PPARD: variants seen among roughly 807,000 people sequenced by gnomAD.
PPARD encodes the protein peroxisome proliferator activated receptor delta, also known as peroxisome proliferator-activated receptor delta.
PPARD carries 6 observed loss-of-function variants against 39.5 expected under a neutral mutation model. That is an observed-to-expected ratio of 0.15 (90% CI 0.08 to 0.30). The LOEUF is 0.30. Among genes scored for constraint, PPARD ranks in the 10% least tolerant of loss-of-function variants. The pLI is 1.00. For synonymous variants in PPARD, 210 were observed against 231.3 expected, an observed-to-expected ratio of 0.91 and a Z score of 0.83; for missense variants, 397 against 596.8, an observed-to-expected ratio of 0.67 and a Z score of 3.49.
chr6:35,380,490 T>TG (rs1763093456), intron 2 of PPARD, among the ~76,000 whole-genome samples: 1 of 128,356 alleles, frequency 7.8e-6, no homozygotes. Flanking sequence ...TTTTTTTTTT[T>TG]TTTTTTTTTT....
chr6:35,421,153 G>T (rs1766133638), intron 4 of PPARD, among the ~76,000 whole-genome samples: 1 of 151,832 alleles, frequency 6.6e-6, no homozygotes. Context: ...AATAGGGACG[G>T]GGTTTCACCA....
At chr6:35,420,861 C>T (rs1304427153) in intron 4 of PPARD, among the ~76,000 whole-genome samples, 2 of 111,410 alleles carry the variant, frequency 1.8e-5, no homozygotes, top group East Asian at 6.5e-4. Flanking sequence ...GAATCTCGAT[C>T]TGTCGCCCAG....
At chr6:35,384,774 C>T in intron 2 of PPARD, among the ~76,000 whole-genome samples, 1 of 31,114 alleles carries the variant, frequency 3.2e-5, no homozygotes, top group Non-Finnish European at 7.1e-5. Flanking sequence ...GCCGCCCCAT[C>T]CGGGAGGGAG....
intron 2 of PPARD, among the ~76,000 whole-genome samples, chr6:35,360,697 A>G (rs565740454): frequency 6.0e-4 from 92 of 152,306 alleles, no homozygotes; most frequent in South Asian, 6.0e-3. Flanking sequence ...CCCTCTCAAC[A>G]TGGGCCCTGC....
intron 2 of PPARD, among the ~76,000 whole-genome samples, chr6:35,373,441 A>G (rs572857651): frequency 2.0e-5 from 3 of 152,216 alleles, no homozygotes; most frequent in African/African-American, 7.2e-5. Context: ...ACGCAGCTGC[A>G]TGGATCAATG....
chr6:35,348,927 C>T, intron 2 of PPARD: 1 of 985,416 alleles, frequency 1.0e-6, no homozygotes, highest in Middle Eastern at 5.2e-4. Context: ...CAGCCAGGCC[C>T]AGTGGCAGCA....
intron 4 of PPARD, among the ~76,000 whole-genome samples, chr6:35,421,320 GT>G (rs1554213727): frequency 0.015 from 360 of 23,808 alleles, 1 homozygote; most frequent in African/African-American, 0.023. Context: ...TTTTTTTTTT[GT>G]TTTGTTTTGT....
chr6:35,415,676 G>A (rs896760628), intron 3 of PPARD, among the ~76,000 whole-genome samples: 3 of 152,082 alleles, frequency 2.0e-5, no homozygotes, highest in Non-Finnish European at 4.4e-5. Flanking sequence ...GCGTAGTAGT[G>A]AGATGCCGAG....
intron 2 of PPARD, among the ~76,000 whole-genome samples, chr6:35,379,265 G>A (rs1238577387): frequency 2.0e-5 from 3 of 151,806 alleles, no homozygotes; most frequent in Non-Finnish European, 2.9e-5. Flanking sequence ...CACCACGCTC[G>A]GCTAATTTTT....
intron 2 of PPARD, among the ~76,000 whole-genome samples, chr6:35,359,994 T>C (rs548245191): frequency 1.5e-4 from 23 of 152,188 alleles, no homozygotes; most frequent in Non-Finnish European, 2.6e-4. Context: ...GGAAAGTACC[T>C]GCTTGACTGG....
intron 2 of PPARD, among the ~76,000 whole-genome samples, chr6:35,387,444 C>G (rs1429771327): frequency 6.6e-6 from 1 of 152,040 alleles, no homozygotes; most frequent in Non-Finnish European, 1.5e-5. Context: ...ACACATAGAT[C>G]AGAATGTTGT....
intron 2 of PPARD, among the ~76,000 whole-genome samples, chr6:35,367,223 G>A (rs971755519): frequency 1.3e-5 from 2 of 152,182 alleles, no homozygotes; most frequent in Non-Finnish European, 2.9e-5. Flanking sequence ...GAGTGATTTG[G>A]GAACATGGGG....
intron 2 of PPARD, among the ~76,000 whole-genome samples, chr6:35,357,006 G>A (rs1761654205): frequency 6.6e-6 from 1 of 150,856 alleles, no homozygotes; most frequent in Non-Finnish European, 1.5e-5. Context: ...AGAGGAGAGT[G>A]TCCACAATGT....
rs954553707 is a variant in PPARD at position 35,422,373 on chromosome 6, G to A, written c.424+415G>A. Among the ~76,000 whole-genome samples, 8 of 152,318 alleles carry A rather than the reference G, an allele frequency of 5.3e-5. No homozygotes were observed. In the East Asian group the frequency reaches 1.5e-3, roughly 29 times the overall value. On this transcript the variant is annotated intron_variant, in intron 5 of 7. Transcript: ENST00000360694. ...TGGCCCTTCTTGGTTATAGAAGGCA[G>A]GCAGTAACCAGTAAGTAACCACATT...
At chr6:35,405,309 G>C (rs1227231716) in intron 2 of PPARD, among the ~76,000 whole-genome samples, 1 of 152,126 alleles carries the variant, frequency 6.6e-6, no homozygotes, top group African/African-American at 2.4e-5. Flanking sequence ...AAAGTGCTGG[G>C]ATTATAGGTG....
At chr6:35,421,395 T>A (rs1766160068) in intron 4 of PPARD, among the ~76,000 whole-genome samples, 1 of 152,068 alleles carries the variant, frequency 6.6e-6, no homozygotes, top group African/African-American at 2.4e-5. Context: ...TGGAGTGTAA[T>A]GGCGCGATCT....
At chr6:35,346,247 G>A (rs2150410934) in intron 1 of PPARD, among the ~76,000 whole-genome samples, 1 of 152,308 alleles carries the variant, frequency 6.6e-6, no homozygotes, top group South Asian at 2.1e-4. Context: ...AGTGCTCTCT[G>A]CAGGCTGGGA....
At position 35,424,524 on chromosome 6, in the gene PPARD, C is replaced by G; in HGVS notation, c.823C>G (p.Leu275Val). ...KSIPSFSSLF[L>V]NDQVTLLKYG... The stretch of plus-strand genomic sequence containing the variant: ...CATCCCCAGCTTCAGCAGCCTCTTC[C>G]TCAACGACCAGGTTACCCTTCTCAA... The change falls in exon 7 of 8, where the codon CTC (leucine) becomes GTC (valine). Residue 275 changes from leucine to valine, a missense_variant. By Grantham distance (32) the Leu-to-Val change is conservative. Coordinates refer to ENST00000360694, the MANE Select transcript of PPARD (RefSeq NM_006238.5). The surrounding 1 kb of genome is among the most constrained non-coding windows in gnomAD (Gnocchi z 7.1). 1 of 1,614,230 alleles carries G rather than the reference C, an allele frequency of 6.2e-7. No individual in the cohort carries two copies. The highest frequency in any genetic ancestry group is 8.5e-7 in the Non-Finnish European group (1 of 1,180,040).
intron 1 of PPARD, among the ~76,000 whole-genome samples, chr6:35,344,180 C>T (rs1424125861): frequency 1.8e-4 from 27 of 152,110 alleles, no homozygotes; most frequent in Admixed American, 1.7e-3. Flanking sequence ...TCTCTTCTCC[C>T]TCTTTTTTCT....
Sources: allele counts gnomAD v4.1 joint callset (sites outside exome capture counted in the v4.1 genomes callset), GRCh38; gene constraint gnomAD v4.1.1; non-coding constraint Gnocchi (gnomAD v3.1); transcripts MANE v1.5; gene names NCBI Gene and HGNC (gene_info 2026-07-23, HGNC 2026-07-21).